Variants in WWOX observed in about 807,000 individuals in gnomAD.
WWOX encodes the protein WW domain-containing oxidoreductase.
A neutral mutation model predicts 46.2 loss-of-function variants in WWOX; 69 were observed. The observed-to-expected ratio is 1.49, with a 90% CI of 1.23 to 1.82. The LOEUF is 1.82. Ranked by LOEUF, WWOX falls within the 40% of genes most tolerant of loss-of-function variation. WWOX has a pLI of 0.00. For missense variants in WWOX, 919 were observed against 542.6 expected, an observed-to-expected ratio of 1.69 and a Z score of -6.89; for synonymous variants, 359 against 202.6, an observed-to-expected ratio of 1.77 and a Z score of -6.56.
chr16:79,089,443 T>C lies in WWOX; in HGVS notation c.1057-122165T>C, dbSNP rs138948981. On this transcript the variant is annotated intron_variant, in intron 8 of 8. Coordinates refer to ENST00000566780, the MANE Select transcript of WWOX (RefSeq NM_016373.4). ...TCCTCCTGGGTTCAAGCGATTCTTC[T>C]GCCTCAGCCTCCCGAGTAGCTGGGA... Among the ~76,000 whole-genome samples, 895 of 151,956 alleles carry C rather than the reference T, an allele frequency of 5.9e-3. 14 individuals carry two copies. The highest frequency in any genetic ancestry group is 0.021 in the African/African-American group (860 of 41,450).
chr16:78,735,927 C>T (rs73571678), intron 8 of WWOX, among the ~76,000 whole-genome samples: 4,701 of 152,304 alleles, frequency 0.031, 159 homozygotes, highest in African/African-American at 0.082. Flanking sequence ...CTTTCTCTCA[C>T]CTCCGAATAG....
intron 8 of WWOX, among the ~76,000 whole-genome samples, chr16:79,108,091 C>T (rs1567555248): frequency 6.6e-6 from 1 of 152,166 alleles, no homozygotes; most frequent in Non-Finnish European, 1.5e-5. Flanking sequence ...TCAGGATTTT[C>T]TACAATGAAC....
chr16:78,922,875 T>C (rs1404351787), intron 8 of WWOX, among the ~76,000 whole-genome samples: 1 of 152,208 alleles, frequency 6.6e-6, no homozygotes, highest in Non-Finnish European at 1.5e-5. Flanking sequence ...TAAGGGCTTA[T>C]TAATCATACT....
intron 8 of WWOX, among the ~76,000 whole-genome samples, chr16:78,785,440 A>T (rs1484664413): frequency 6.6e-6 from 1 of 152,210 alleles, no homozygotes; most frequent in Non-Finnish European, 1.5e-5. Flanking sequence ...TGTGCTGGTA[A>T]ATGATTAACA....
chr16:78,609,190 C>A (rs1457925115), intron 8 of WWOX, among the ~76,000 whole-genome samples: 1 of 152,172 alleles, frequency 6.6e-6, no homozygotes, highest in Non-Finnish European at 1.5e-5. Context: ...TTGGTGAAAA[C>A]TAGGAAGTGT....
intron 8 of WWOX, among the ~76,000 whole-genome samples, chr16:79,132,360 A>C (rs1254690932): frequency 6.6e-6 from 1 of 152,118 alleles, no homozygotes; most frequent in African/African-American, 2.4e-5. Context: ...CGGTTGGTGG[A>C]TTTTGCTCAA....
intron 5 of WWOX, among the ~76,000 whole-genome samples, chr16:78,381,214 A>G (rs757417197): frequency 6.6e-6 from 1 of 152,226 alleles, no homozygotes; most frequent in Non-Finnish European, 1.5e-5. Flanking sequence ...AGAGTCACAT[A>G]TGGCTAATTT....
At chr16:78,440,973 T>G (rs978011244) in intron 8 of WWOX, among the ~76,000 whole-genome samples, 8 of 152,050 alleles carry the variant, frequency 5.3e-5, no homozygotes, top group African/African-American at 1.9e-4. Flanking sequence ...GATGAAGTCT[T>G]GCTCTGTCAC....
chr16:78,544,006 C>A (rs972877088), intron 8 of WWOX, among the ~76,000 whole-genome samples: 1 of 152,078 alleles, frequency 6.6e-6, no homozygotes, highest in African/African-American at 2.4e-5. Context: ...AGACTTACAT[C>A]CCTCAGTTTC....
intron 8 of WWOX, among the ~76,000 whole-genome samples, chr16:78,965,076 T>C (rs1007447747): frequency 6.6e-6 from 1 of 152,206 alleles, no homozygotes; most frequent in Non-Finnish European, 1.5e-5. Context: ...GGAGAACCTC[T>C]GCTAGGGCAG....
At chr16:78,763,883 A>C (rs2049858764) in intron 8 of WWOX, among the ~76,000 whole-genome samples, 1 of 152,098 alleles carries the variant, frequency 6.6e-6, no homozygotes, top group Non-Finnish European at 1.5e-5. Context: ...GTCTGTATGC[A>C]ATTGTGTACA....
chr16:78,411,936 C>A (rs34642532), intron 6 of WWOX, among the ~76,000 whole-genome samples: 2 of 152,090 alleles, frequency 1.3e-5, no homozygotes, highest in Non-Finnish European at 2.9e-5. Context: ...AATCTGTTTC[C>A]GCCCGATTCC....
At chr16:78,639,105 C>T (rs535749868) in intron 8 of WWOX, among the ~76,000 whole-genome samples, 10 of 152,186 alleles carry the variant, frequency 6.6e-5, no homozygotes, top group Non-Finnish European at 1.3e-4. Flanking sequence ...TCTCCTGTCC[C>T]ATACTTGGAC....
intron 8 of WWOX, among the ~76,000 whole-genome samples, chr16:78,758,780 A>G (rs2049719700): frequency 2.0e-5 from 3 of 152,124 alleles, no homozygotes; most frequent in African/African-American, 7.2e-5. Context: ...AAGGGCAATG[A>G]TGTATACAAG....
intron 8 of WWOX, among the ~76,000 whole-genome samples, chr16:78,844,678 T>A (rs1397393302): frequency 1.3e-5 from 2 of 152,176 alleles, no homozygotes; most frequent in Non-Finnish European, 2.9e-5. Context: ...AAACATACCT[T>A]TTTAAAGAAA....
At chr16:78,108,541 A>G in intron 2 of WWOX, 54 bp downstream of exon 2, 9 of 1,594,484 alleles carry the variant, frequency 5.6e-6, no homozygotes, top group Non-Finnish European at 7.7e-6. Context: ...TAGATGAGGA[A>G]ATGTCACTGG....
At chr16:78,128,772 T>TTGCAATATAA (rs796444166) in intron 4 of WWOX, among the ~76,000 whole-genome samples, 33 of 152,320 alleles carry the variant, frequency 2.2e-4, no homozygotes, top group African/African-American at 7.7e-4. Context: ...TTTTTGTATC[T>TTGCAATATAA]TGCAATATAA....
intron 6 of WWOX, among the ~76,000 whole-genome samples, chr16:78,391,988 T>A (rs1409367462): frequency 1.4e-5 from 2 of 147,012 alleles, no homozygotes; most frequent in African/African-American, 5.3e-5. Context: ...TCTATAGGTT[T>A]TGTCTCCTTT....
At chr16:78,354,352 A>T (rs527949397) in intron 5 of WWOX, among the ~76,000 whole-genome samples, 2 of 127,672 alleles carry the variant, frequency 1.6e-5, no homozygotes, top group Non-Finnish European at 1.6e-5. Flanking sequence ...TATGTGACTG[A>T]AACCCATAGA....
Sources: gnomAD v4.1 joint callset for allele counts (sites outside exome capture counted in the v4.1 genomes callset) on GRCh38, gnomAD v4.1.1 for gene constraint, MANE v1.5 for transcripts, NCBI Gene and HGNC (gene_info 2026-07-23, HGNC 2026-07-21) for gene names.